The following ADAMTS18 variants were observed in gnomAD, a reference collection of about 807,000 sequenced individuals.
The protein encoded by ADAMTS18 is A disintegrin and metalloproteinase with thrombospondin motifs 18.
ADAMTS18 carries 157 observed loss-of-function variants against 165.9 expected under a neutral mutation model. The observed-to-expected ratio is 0.95, with a 90% confidence interval of 0.83 to 1.08. ADAMTS18 has a LOEUF of 1.08. Ranked by LOEUF, ADAMTS18 falls within the 50% of genes least tolerant of loss-of-function variation. The pLI, the probability that ADAMTS18 is intolerant of heterozygous loss-of-function variation, is 0.00. For missense variants in ADAMTS18, 2,040 were observed against 1,534.0 expected, an observed-to-expected ratio of 1.33 and a Z score of -5.51; for synonymous variants, 782 against 578.2, an observed-to-expected ratio of 1.35 and a Z score of -5.06.
At chr16:77,387,546 A>C (rs1030966951) in intron 3 of ADAMTS18, among the ~76,000 whole-genome samples, 7 of 152,116 alleles carry the variant, frequency 4.6e-5, no homozygotes, top group African/African-American at 1.7e-4. Flanking sequence ...ACTGCAAATT[A>C]CTCCATATCC....
At chr16:77,294,883 G>A in intron 19 of ADAMTS18, 40 bp downstream of exon 19, 1 of 1,600,838 alleles carries the variant, frequency 6.2e-7, no homozygotes, top group Non-Finnish European at 8.6e-7. Context: ...TTGCCTTCAT[G>A]GGGACCGAGA....
chr16:77,366,020 A>T (rs77605674), intron 4 of ADAMTS18, among the ~76,000 whole-genome samples: 13,567 of 152,280 alleles, frequency 0.089, 818 homozygotes, highest in Middle Eastern at 0.14. Context: ...ATTACTCTAT[A>T]TATGCTAAAT....
At chr16:77,290,829 T>C in intron 21 of ADAMTS18, 1 of 260,010 alleles carries the variant, frequency 3.8e-6, no homozygotes, top group East Asian at 9.5e-5. Flanking sequence ...TAGGAGTACT[T>C]AGCACCGTGC....
intron 20 of ADAMTS18, 42 bp downstream of exon 20, chr16:77,293,034 T>C (rs1260109984): frequency 2.5e-6 from 4 of 1,611,528 alleles, no homozygotes; most frequent in African/African-American, 2.7e-5. Flanking sequence ...TTAGCCAGGA[T>C]GGTCTCAATC....
intron 22 of ADAMTS18, among the ~76,000 whole-genome samples, chr16:77,286,718 T>C (rs527273715): frequency 6.6e-6 from 1 of 152,234 alleles, no homozygotes; most frequent in South Asian, 2.1e-4. Context: ...AGCAGCTTAT[T>C]AGTATTGAGT....
intron 3 of ADAMTS18, among the ~76,000 whole-genome samples, chr16:77,385,343 A>G (rs2057091847): frequency 6.6e-6 from 1 of 152,180 alleles, no homozygotes; most frequent in African/African-American, 2.4e-5. Context: ...TTGATTCTCA[A>G]TGCATGTTTG....
intron 10 of ADAMTS18, among the ~76,000 whole-genome samples, chr16:77,351,994 C>A (rs1201124619): frequency 3.3e-5 from 5 of 152,006 alleles, no homozygotes; most frequent in Admixed American, 3.3e-4. Context: ...TTGGCCTCCC[C>A]AAATCTTGAC....
chr16:77,403,332 A>C (rs1338766535), intron 3 of ADAMTS18, among the ~76,000 whole-genome samples: 1 of 151,888 alleles, frequency 6.6e-6, no homozygotes, highest in East Asian at 1.9e-4. Flanking sequence ...TAATCCACAT[A>C]ATGAAATTTG....
chr16:77,316,117 C>G (rs1240893503), intron 16 of ADAMTS18, among the ~76,000 whole-genome samples: 2 of 152,202 alleles, frequency 1.3e-5, no homozygotes, highest in Non-Finnish European at 2.9e-5. Flanking sequence ...ACACTGCAAA[C>G]AGATCCACTT....
intron 3 of ADAMTS18, among the ~76,000 whole-genome samples, chr16:77,397,465 G>A (rs1250213864): frequency 6.6e-6 from 1 of 152,170 alleles, no homozygotes; most frequent in Non-Finnish European, 1.5e-5. Context: ...ATAACTCCAT[G>A]CTAAAGGGAA....
At chr16:77,409,905 C>T (rs1597239987) in intron 3 of ADAMTS18, among the ~76,000 whole-genome samples, 1 of 151,952 alleles carries the variant, frequency 6.6e-6, no homozygotes, top group East Asian at 1.9e-4. Flanking sequence ...TGATTCCATA[C>T]CTCCTGCTAA....
chr16:77,387,355 G>C (rs977114456), intron 3 of ADAMTS18, among the ~76,000 whole-genome samples: 4 of 152,118 alleles, frequency 2.6e-5, no homozygotes, highest in African/African-American at 9.7e-5. Flanking sequence ...CAAAATTTAA[G>C]ATGGCTCAGG....
chr16:77,409,707 C>G (rs11647600), intron 3 of ADAMTS18, among the ~76,000 whole-genome samples: 89,974 of 151,882 alleles, frequency 0.59, 27,125 homozygotes, highest in Non-Finnish European at 0.64. Flanking sequence ...TCTTGAATCT[C>G]AGCTCAGCTA....
rs1269411432 is a variant in ADAMTS18, at chr16:77,293,186, G to A, written c.3079C>T (p.Pro1027Ser). The change falls in exon 20 of 23, where the codon CCC (proline) becomes TCC (serine). Residue 1027 changes from proline to serine, a missense_variant. Transcript: ENST00000282849. ...GGGAGACTGGTACACTGGCTCTCGG[G>A]GAGGGTTTCTGCGGCAGAGCCCTTG... is the stretch of plus-strand genomic sequence containing the variant. ...LCKGSAAETL[P>S]ESQCTSLPRP... The A allele has an allele frequency of 4.3e-6, 7 of 1,613,838 alleles. No individual in the cohort carries two copies. In the Admixed American group the frequency reaches 1.2e-4, roughly 27 times the overall value.
At chr16:77,302,177 T>C (rs1417978573) in intron 16 of ADAMTS18, among the ~76,000 whole-genome samples, 1 of 152,186 alleles carries the variant, frequency 6.6e-6, no homozygotes, top group Non-Finnish European at 1.5e-5. Flanking sequence ...TCTGTTAATG[T>C]TTTCATCTGA....
Position 77,282,577 on chromosome 16 carries a change from A to G in ADAMTS18, c.*1379T>C, listed in dbSNP as rs1031364499. The G allele has an allele frequency of 1.3e-5, 2 of 152,634 alleles. No individual in the cohort carries two copies. The highest frequency in any genetic ancestry group is 4.8e-5 in the African/African-American group (2 of 41,464). The allele number at this position is 152,634 out of a possible 1,614,324, so 9.5% of individuals were successfully genotyped here. A position where few individuals can be genotyped will look rare whatever the true frequency, so the allele number is the denominator to read the frequency against. On this transcript the variant is annotated 3_prime_UTR_variant, in exon 23 of 23. Coordinates refer to ENST00000282849, the MANE Select transcript of ADAMTS18 (RefSeq NM_199355.4). ...GAGCTGGCTAATCCAGCTTGAATTG[A>G]GACTTTTTAAAGAAGTAAAATTGGG...
rs1206899631 is a variant in ADAMTS18 at position 77,434,738 on chromosome 16, A to G, written c.-43T>C. On this transcript the variant is annotated 5_prime_UTR_variant, in exon 1 of 23. Coordinates refer to ENST00000282849, the MANE Select transcript of ADAMTS18 (RefSeq NM_199355.4). ...GCGGCTGCGGGTGGCCAGACGCGGC[A>G]GGCGGAGCGCACGGGCGGCGCGCAT... 2.9e-6 allele frequency: 4 copies of G among 1,386,968 alleles called. No individual in the cohort carries two copies. Among genetic ancestry groups the G allele is most frequent in the Non-Finnish European group, 2.8e-6 (3 of 1,068,504 alleles). 85.9% of individuals were successfully genotyped at this position (1,386,968 alleles called of 1,614,324 possible).
intron 10 of ADAMTS18, among the ~76,000 whole-genome samples, chr16:77,343,892 G>A (rs2056436185): frequency 6.6e-6 from 1 of 152,040 alleles, no homozygotes; most frequent in Admixed American, 6.6e-5. Context: ...ACATTTTGGA[G>A]AAAATATAAG....
chr16:77,340,291 C>T (rs900285275), intron 11 of ADAMTS18, among the ~76,000 whole-genome samples: 1 of 152,222 alleles, frequency 6.6e-6, no homozygotes, highest in Non-Finnish European at 1.5e-5. Context: ...TCTCATACCT[C>T]AGCCTCCCAA....
Sources: gnomAD v4.1 joint callset for allele counts (sites outside exome capture counted in the v4.1 genomes callset) on GRCh38, gnomAD v4.1.1 for gene constraint, MANE v1.5 for transcripts, NCBI Gene and HGNC (gene_info 2026-07-23, HGNC 2026-07-21) for gene names.